Variants in ZBTB20 observed in about 807,000 individuals in gnomAD.
ZBTB20 encodes the protein zinc finger and BTB domain containing 20.
Under a neutral mutation model 56.9 loss-of-function variants are expected in ZBTB20, and 9 were observed. The ratio of observed to expected loss-of-function variants is 0.16; its 90% confidence interval spans 0.10 to 0.28. ZBTB20 has a LOEUF of 0.28. ZBTB20 is among the 10% of genes least tolerant of loss of function. ZBTB20 has a pLI of 1.00. For missense variants in ZBTB20, 655 were observed against 1,003.0 expected (o/e 0.65, Z 4.69); for synonymous variants, 417 against 420.7 (o/e 0.99, Z 0.11).
chr3:114,576,950 T>A (rs1006310640), intron 6 of ZBTB20, among the ~76,000 whole-genome samples: 18 of 152,096 alleles, frequency 1.2e-4, no homozygotes, highest in Admixed American at 1.2e-3. Context: ...CATAATAATG[T>A]TAAAAGATAA....
chr3:114,592,903 T>C (rs1435345653), intron 6 of ZBTB20, among the ~76,000 whole-genome samples: 3 of 152,206 alleles, frequency 2.0e-5, no homozygotes, highest in Admixed American at 2.0e-4. Flanking sequence ...TAGTATATAA[T>C]TTGAACAGAT....
intron 7 of ZBTB20, among the ~76,000 whole-genome samples, chr3:114,493,239 G>A (rs1322459234): frequency 3.3e-5 from 5 of 152,148 alleles, no homozygotes; most frequent in Non-Finnish European, 1.5e-5. Context: ...GTATTCCATG[G>A]TATAGATATA....
At chr3:114,686,803 T>C (rs1426450863) in intron 6 of ZBTB20, among the ~76,000 whole-genome samples, 2 of 152,146 alleles carry the variant, frequency 1.3e-5, no homozygotes, top group Non-Finnish European at 2.9e-5. Context: ...AAGTTCTCCA[T>C]AAAGGCTAAG....
rs546560347 is a variant in ZBTB20, at chr3:114,915,423, C to A, written c.-455-15081G>T. 4.0e-5 allele frequency among the ~76,000 whole-genome samples: 6 copies of A among 151,856 alleles called. No individual in the cohort carries two copies. In the East Asian group the frequency reaches 1.2e-3, roughly 29 times the overall value. On this transcript the variant is annotated intron_variant, in intron 3 of 11. Transcript: ENST00000675478. ...TTCTGTAGTATCAATTGTAAGGTAA[C>A]CTTTTTCAATTTTGATTTTATTTAT...
chr3:114,951,252 T>C (rs1279090516), intron 3 of ZBTB20, among the ~76,000 whole-genome samples: 1 of 152,146 alleles, frequency 6.6e-6, no homozygotes, highest in Non-Finnish European at 1.5e-5. Flanking sequence ...TGTTTTTTTT[T>C]CTCTGTTTTC....
chr3:115,076,206 T>C, intron 1 of ZBTB20, among the ~76,000 whole-genome samples: 1 of 152,274 alleles, frequency 6.6e-6, no homozygotes, highest in East Asian at 1.9e-4. Flanking sequence ...CAATTCTACA[T>C]TTCTGTAATT....
chr3:114,469,467 C>T (rs1373484439), intron 7 of ZBTB20, among the ~76,000 whole-genome samples: 1 of 152,166 alleles, frequency 6.6e-6, no homozygotes, highest in Non-Finnish European at 1.5e-5. Context: ...GATAATTTCC[C>T]TTCATTTCCC....
intron 6 of ZBTB20, among the ~76,000 whole-genome samples, chr3:114,555,843 G>A (rs1481854829): frequency 6.6e-6 from 1 of 151,996 alleles, no homozygotes; most frequent in Non-Finnish European, 1.5e-5. Flanking sequence ...GTCTAGGTTG[G>A]GAAGCCACAG....
intron 7 of ZBTB20, among the ~76,000 whole-genome samples, chr3:114,413,578 T>C (rs1265766505): frequency 6.6e-6 from 1 of 152,140 alleles, no homozygotes. Context: ...GAAAGGACCA[T>C]AAGCCTGAAC....
chr3:115,068,699 A>C (rs1576699376), intron 2 of ZBTB20, among the ~76,000 whole-genome samples: 1 of 152,158 alleles, frequency 6.6e-6, no homozygotes, highest in East Asian at 1.9e-4. Flanking sequence ...AAAGTGACCA[A>C]TAGTGATACT....
chr3:114,370,545 G>A (rs1485550012), intron 10 of ZBTB20, among the ~76,000 whole-genome samples: 2 of 152,026 alleles, frequency 1.3e-5, no homozygotes, highest in Non-Finnish European at 2.9e-5. Context: ...CTATCCCTTA[G>A]AACTCTCTTT....
intron 2 of ZBTB20, among the ~76,000 whole-genome samples, chr3:115,050,156 G>A (rs1351339724): frequency 6.6e-6 from 1 of 151,854 alleles, no homozygotes; most frequent in Non-Finnish European, 1.5e-5. Flanking sequence ...AAATAACTTA[G>A]GTAAAACCAA....
At chr3:115,111,333 A>G (rs2083877038) in intron 1 of ZBTB20, among the ~76,000 whole-genome samples, 1 of 152,172 alleles carries the variant, frequency 6.6e-6, no homozygotes, top group Admixed American at 6.5e-5. Context: ...AAGAGTTATG[A>G]AAGAAATAAA....
At chr3:114,632,812 A>C (rs959344632) in intron 6 of ZBTB20, among the ~76,000 whole-genome samples, 2 of 152,164 alleles carry the variant, frequency 1.3e-5, no homozygotes, top group Non-Finnish European at 2.9e-5. Flanking sequence ...AATCACCTGA[A>C]CTTTTCCTTC....
intron 3 of ZBTB20, among the ~76,000 whole-genome samples, chr3:114,945,277 C>A (rs2076847402): frequency 6.9e-6 from 1 of 144,954 alleles, no homozygotes; most frequent in Non-Finnish European, 1.5e-5. Context: ...ATAAAGAATA[C>A]TAATAGGTAT....
At chr3:114,568,618 T>C (rs1257805854) in intron 6 of ZBTB20, among the ~76,000 whole-genome samples, 1 of 152,194 alleles carries the variant, frequency 6.6e-6, no homozygotes, top group Non-Finnish European at 1.5e-5. Context: ...ATTCTTTAAG[T>C]GGATAGGGAA....
intron 4 of ZBTB20, among the ~76,000 whole-genome samples, chr3:114,831,939 A>C (rs2073868119): frequency 6.6e-6 from 1 of 152,064 alleles, no homozygotes; most frequent in Non-Finnish European, 1.5e-5. Flanking sequence ...TTCATTACTC[A>C]TTATGTTTGA....
intron 10 of ZBTB20, among the ~76,000 whole-genome samples, chr3:114,353,401 T>A (rs1365144543): frequency 6.6e-6 from 1 of 152,350 alleles, no homozygotes; most frequent in Middle Eastern, 3.4e-3. Context: ...CACCCTCACA[T>A]GGTATGAGCT....
chr3:114,518,349 C>T (rs1162416220), intron 6 of ZBTB20, among the ~76,000 whole-genome samples: 2 of 152,088 alleles, frequency 1.3e-5, no homozygotes, highest in African/African-American at 4.8e-5. Flanking sequence ...CCTAATCTCA[C>T]CATTTGTTTT....
Sources: gnomAD v4.1 joint callset for allele counts (sites outside exome capture counted in the v4.1 genomes callset) on GRCh38, gnomAD v4.1.1 for gene constraint, MANE v1.5 for transcripts, NCBI Gene and HGNC (gene_info 2026-07-23, HGNC 2026-07-21) for gene names.